The following ZNF804A variants were observed in gnomAD, a reference collection of about 807,000 sequenced individuals.
The protein encoded by ZNF804A is zinc finger protein 804A.
In ZNF804A, 2 loss-of-function variants were observed where a neutral mutation model predicts 16.5. That is an observed-to-expected ratio of 0.12 (90% CI 0.05 to 0.38). ZNF804A has a LOEUF of 0.38. ZNF804A is among the 10% of genes least tolerant of loss of function. The probability of loss-of-function intolerance (pLI) is 0.99; values close to 1 mark genes in which losing one functional copy is unlikely to be tolerated. For synonymous variants in ZNF804A, 534 were observed against 489.6 expected, an observed-to-expected ratio of 1.09 and a Z score of -1.20; for missense variants, 1,473 against 1,390.7, an observed-to-expected ratio of 1.06 and a Z score of -0.94.
At chr2:184,933,223 A>G (rs1685731778) in intron 2 of ZNF804A, among the ~76,000 whole-genome samples, 1 of 151,080 alleles carries the variant, frequency 6.6e-6, no homozygotes, top group African/African-American at 2.5e-5. Context: ...AAGAAAACAT[A>G]TTATATATAA....
intron 1 of ZNF804A, among the ~76,000 whole-genome samples, chr2:184,784,735 C>A (rs113799717): frequency 6.6e-6 from 1 of 151,972 alleles, no homozygotes; most frequent in African/African-American, 2.4e-5. Flanking sequence ...CAGCTGATTT[C>A]TCTCTGAAAT....
rs563126590 is a variant in ZNF804A at position 184,880,469 on chromosome 2, A to T, written c.255+13957A>T. 3.7e-4 allele frequency among the ~76,000 whole-genome samples: 55 copies of T among 150,654 alleles called. 2 individuals carry two copies. The highest frequency in any genetic ancestry group is 1.9e-3 in the South Asian group (9 of 4,780). The stretch of plus-strand genomic sequence containing the variant: ...CTTCTATTGTTAAGACACATTTTTT[A>T]AAAAAAAATTAGACTTGGGAGAAGT... On this transcript the variant is annotated intron_variant, in intron 2 of 3. Coordinates refer to ENST00000302277, the MANE Select transcript of ZNF804A (RefSeq NM_194250.2).
intron 2 of ZNF804A, among the ~76,000 whole-genome samples, chr2:184,912,725 A>G (rs1685382856): frequency 1.3e-5 from 2 of 152,068 alleles, no homozygotes; most frequent in Admixed American, 1.3e-4. Flanking sequence ...ATCGTTTCAC[A>G]TGCTTACTTA....
intron 1 of ZNF804A, among the ~76,000 whole-genome samples, chr2:184,741,546 C>T (rs551979198): frequency 1.7e-3 from 259 of 152,230 alleles, no homozygotes; most frequent in Non-Finnish European, 3.1e-3. Context: ...GAATATCTGG[C>T]ATGACCCCTA....
At chr2:184,727,309 C>A (rs1286110308) in intron 1 of ZNF804A, among the ~76,000 whole-genome samples, 1 of 151,352 alleles carries the variant, frequency 6.6e-6, no homozygotes, top group Middle Eastern at 3.2e-3. Context: ...ATAGTGGAAG[C>A]AATATGAAAG....
At chr2:184,608,881 A>T (rs1317475916) in intron 1 of ZNF804A, among the ~76,000 whole-genome samples, 1 of 152,234 alleles carries the variant, frequency 6.6e-6, no homozygotes, top group African/African-American at 2.4e-5. Context: ...TTTGGAGGAT[A>T]AAACATCCAC....
At chr2:184,722,490 A>G (rs1055170105) in intron 1 of ZNF804A, among the ~76,000 whole-genome samples, 4 of 152,052 alleles carry the variant, frequency 2.6e-5, no homozygotes, top group Non-Finnish European at 5.9e-5. Flanking sequence ...TTTCATATCT[A>G]TAAATAAACA....
chr2:184,731,373 C>G (rs1693516764), intron 1 of ZNF804A, among the ~76,000 whole-genome samples: 1 of 150,242 alleles, frequency 6.7e-6, no homozygotes, highest in South Asian at 2.1e-4. Flanking sequence ...GTTCCCATTG[C>G]TCTACATCCT....
intron 1 of ZNF804A, among the ~76,000 whole-genome samples, chr2:184,736,594 C>T (rs1693617247): frequency 6.6e-6 from 1 of 151,506 alleles, no homozygotes. Flanking sequence ...GTGGTGGGGA[C>T]GAGGGGAGGG....
intron 1 of ZNF804A, among the ~76,000 whole-genome samples, chr2:184,745,859 A>G (rs1693782249): frequency 6.6e-6 from 1 of 151,678 alleles, no homozygotes; most frequent in South Asian, 2.1e-4. Flanking sequence ...ATAAATTTTA[A>G]CAAAGAATGT....
At position 184,873,117 on chromosome 2, in the gene ZNF804A, A is replaced by G. The variant is rs142058560; in HGVS notation, c.255+6605A>G. The stretch of plus-strand genomic sequence containing the variant: ...TCAGATGAAGAGTTTAAAATTAAAG[A>G]GGTTAAAATGGAAGTCAAAACTTTA... On this transcript the variant is annotated intron_variant, in intron 2 of 3. Transcript: ENST00000302277. 8.8e-3 allele frequency among the ~76,000 whole-genome samples: 1,345 copies of G among 152,354 alleles called. 17 individuals carry two copies. The highest frequency in any genetic ancestry group is 0.014 in the Non-Finnish European group (970 of 68,034).
At chr2:184,694,015 C>T (rs1418451973) in intron 1 of ZNF804A, among the ~76,000 whole-genome samples, 4 of 151,354 alleles carry the variant, frequency 2.6e-5, no homozygotes, top group South Asian at 4.2e-4. Context: ...CTGCAAACTC[C>T]ACCTTTTAGG....
At chr2:184,931,543 A>G (rs1685702350) in intron 2 of ZNF804A, among the ~76,000 whole-genome samples, 2 of 152,288 alleles carry the variant, frequency 1.3e-5, no homozygotes, top group Non-Finnish European at 2.9e-5. Context: ...CAGGGCAGTA[A>G]GTCCTGAGAC....
rs558645463 is a variant in ZNF804A at position 184,935,100 on chromosome 2, C to T, written c.387-683C>T. ...TAGTTCTTTTCATCAGAACTCACTA[C>T]AGTGTAATGTAATTCCAAATAAGTT... On this transcript the variant is annotated intron_variant, in intron 3 of 3. Coordinates refer to ENST00000302277, the MANE Select transcript of ZNF804A (RefSeq NM_194250.2). Among the ~76,000 whole-genome samples the T allele has an allele frequency of 2.6e-3, 396 of 152,244 alleles. 1 individual carries two copies. The highest frequency in any genetic ancestry group is 9.2e-3 in the African/African-American group (382 of 41,570).
intron 1 of ZNF804A, among the ~76,000 whole-genome samples, chr2:184,786,599 G>T (rs1162910274): frequency 6.6e-6 from 1 of 151,896 alleles, no homozygotes; most frequent in African/African-American, 2.4e-5. Flanking sequence ...GAAGTCCCAG[G>T]TCATCGCCCT....
chr2:184,765,611 C>A (rs993521258), intron 1 of ZNF804A, among the ~76,000 whole-genome samples: 20 of 146,388 alleles, frequency 1.4e-4, no homozygotes, highest in Non-Finnish European at 3.0e-4. Flanking sequence ...ATGCACCCCC[C>A]CCCCTTAGAG....
At chr2:184,702,488 C>CTAATCCTGACT (rs1253610556) in intron 1 of ZNF804A, among the ~76,000 whole-genome samples, 2 of 152,058 alleles carry the variant, frequency 1.3e-5, no homozygotes, top group Non-Finnish European at 2.9e-5. Flanking sequence ...CTTTAAATTT[C>CTAATCCTGACT]TAATCCTGAC....
intron 1 of ZNF804A, among the ~76,000 whole-genome samples, chr2:184,718,432 A>T (rs1234634033): frequency 3.3e-5 from 5 of 152,264 alleles, no homozygotes. Flanking sequence ...GATTTAACTC[A>T]TTTCAGCATT....
At chr2:184,925,999 T>G (rs988460012) in intron 2 of ZNF804A, among the ~76,000 whole-genome samples, 3 of 152,100 alleles carry the variant, frequency 2.0e-5, no homozygotes, top group African/African-American at 4.8e-5. Flanking sequence ...TTTTGATTGT[T>G]TCATCATTTA....
Sources: allele counts gnomAD v4.1 joint callset (sites outside exome capture counted in the v4.1 genomes callset), GRCh38; gene constraint gnomAD v4.1.1; transcripts MANE v1.5; gene names NCBI Gene and HGNC (gene_info 2026-07-23, HGNC 2026-07-21).